The following KIF26A variants were observed in gnomAD, a reference collection of about 807,000 sequenced individuals.
The protein encoded by KIF26A is kinesin family member 26A.
A neutral mutation model predicts 126.0 loss-of-function variants in KIF26A; 74 were observed. That is an observed-to-expected ratio of 0.59 (90% confidence interval 0.49 to 0.71). The LOEUF is 0.71. Ranked by LOEUF, KIF26A falls within the 30% of genes least tolerant of loss-of-function variation. The pLI is 0.00. For missense variants in KIF26A, 2,984 were observed against 2,763.3 expected (o/e 1.08, Z -1.79); for synonymous variants, 1,445 against 1,232.7 (o/e 1.17, Z -3.61).
rs772958680 is a variant in KIF26A, at chr14:104,174,214, C to T, written c.2097C>T (p.Ile699=). ...LATAGCRTTM[I]AHVSDAPAQH... is the part of the protein sequence containing the mutation. ...CCGCTGGCTGCCGCACCACCATGAT[C>T]GCCCACGTGTCGGATGCGCCAGCCC... The change falls in exon 11 of 15, where the codon ATC becomes ATT. Residue 699 remains isoleucine, a synonymous_variant. Transcript: ENST00000423312. 31 of 1,584,868 alleles carry T rather than the reference C, an allele frequency of 2.0e-5. No homozygotes were observed. The Middle Eastern group carries it at 5.1e-4, about 26-fold the overall frequency.
rs1399920276 is a variant in KIF26A, at chr14:104,148,266, G to A, written c.289-3749G>A. On this transcript the variant is annotated intron_variant, in intron 2 of 14. Coordinates refer to ENST00000423312, the MANE Select transcript of KIF26A (RefSeq NM_015656.2). This position sits in a 1 kb window ranked among gnomAD's most constrained non-coding sequence, Gnocchi z 4.3. ...AGGGGGGAGACTCCCTAAAACCCAG[G>A]CGCGCAATGGGTGGGCTATGTTTGA... Among the ~76,000 whole-genome samples, 1 of 152,230 alleles carries A rather than the reference G, an allele frequency of 6.6e-6. No homozygotes were observed. The highest frequency in any genetic ancestry group is 2.4e-5 in the African/African-American group (1 of 41,462).
At chr14:104,167,797 C>T (rs1040300738) in intron 5 of KIF26A, among the ~76,000 whole-genome samples, 8 of 152,128 alleles carry the variant, frequency 5.3e-5, no homozygotes, top group African/African-American at 1.9e-4. Flanking sequence ...TTTTTCCTGC[C>T]CCTCGGCCTG....
Position 104,175,269 on chromosome 14 carries a change from C to G in KIF26A, c.2481C>G (p.Ser827=), listed in dbSNP as rs1566865075. 2 of 1,606,300 alleles carry G rather than the reference C, an allele frequency of 1.2e-6. No homozygotes were observed. Among genetic ancestry groups the G allele is most frequent in the Non-Finnish European group, 1.7e-6 (2 of 1,179,612 alleles). The change falls in exon 12 of 15, where the codon TCC becomes TCG. Residue 827 remains serine (S), a synonymous_variant. Coordinates refer to ENST00000423312, the MANE Select transcript of KIF26A (RefSeq NM_015656.2). ...CTGCCCTGAGCCGCCACCGGCCCTC[C>G]AAGGGTCCCCGAGACGCAGACCACT... The part of the protein sequence containing the change: ...IIPALSRHRP[S]KGPRDADHFR...
chr14:104,167,018 G>A lies in KIF26A; in HGVS notation c.1083G>A (p.Lys361=). The change falls in exon 5 of 15, where the codon AAG becomes AAA. Residue 361 remains lysine (K), a synonymous_variant. Coordinates refer to ENST00000423312, the MANE Select transcript of KIF26A (RefSeq NM_015656.2). ...APPCLLRAAS[K]TKDNPGSIGK... is the part of the protein sequence containing the mutation. ...CCTGCCTGCTCAGGGCCGCCTCCAA[G>A]ACCAAGGACAACCCTGGCAGCATCG... The A allele has an allele frequency of 6.3e-7, 1 of 1,579,360 alleles. No individual in the cohort carries two copies. The highest frequency in any genetic ancestry group is 1.8e-5 in the Admixed American group (1 of 55,314).
In KIF26A at chr14:104,148,180, T is replaced by G. The variant is rs1176998621; in HGVS notation, c.289-3835T>G. On this transcript the variant is annotated intron_variant, in intron 2 of 14. Transcript: ENST00000423312. This position sits in a 1 kb window ranked among gnomAD's most constrained non-coding sequence, Gnocchi z 4.3. Reference sequence around the variant, plus strand: ...CACACGCAGGAGAAAATGGAAGGATTACTTAAAGCAACTCGGAGACCCCAG... The same window carrying G: ...CACACGCAGGAGAAAATGGAAGGATGACTTAAAGCAACTCGGAGACCCCAG... Among the ~76,000 whole-genome samples, 1 of 152,160 alleles carries G rather than the reference T, an allele frequency of 6.6e-6. No individual in the cohort carries two copies. Among genetic ancestry groups the G allele is most frequent in the Non-Finnish European group, 1.5e-5 (1 of 68,032 alleles).
Position 104,174,186 on chromosome 14 carries a change from C to A in KIF26A, c.2069C>A (p.Ala690Asp), listed in dbSNP as rs1159804059. 1 of 1,588,898 alleles carries A rather than the reference C, an allele frequency of 6.3e-7. No individual in the cohort carries two copies. ...ACCATGCTGCTGCGTGAATCCCTGG[C>A]CACCGCTGGCTGCCGCACCACCATG... The part of the protein sequence containing the change: ...RLTMLLRESL[A>D]TAGCRTTMIA... The change falls in exon 11 of 15, where the codon GCC (alanine) becomes GAC (aspartate). Residue 690 changes from alanine to aspartate, a missense_variant. Ala to Asp is a moderately radical substitution (Grantham distance 126). Transcript: ENST00000423312.
At position 104,178,731 on chromosome 14, in the gene KIF26A, C is replaced by T. The variant is rs980805352; in HGVS notation, c.5292C>T (p.Pro1764=). The T allele has an allele frequency of 2.6e-6, 4 of 1,547,394 alleles. No individual in the cohort carries two copies. Among genetic ancestry groups the T allele is most frequent in the Admixed American group, 3.9e-5 (2 of 51,654 alleles). ...TGGAGCGCCTTCAGCGGCCCCGCCC[C>T]ACCCCGAGGGAGGCCCCCACCCAGG... ...DDVERLQRPR[P]TPREAPTQGL... Residue 1764 remains proline (P), a synonymous_variant, in exon 13 of 15, where the codon CCC becomes CCT. Transcript: ENST00000423312.
Position 104,173,735 on chromosome 14 carries a change from A to G in KIF26A, c.1897A>G (p.Ile633Val), listed in dbSNP as rs1278095767. Residue 633 changes from isoleucine (I) to valine (V), a missense_variant, in exon 10 of 15, where the codon ATC becomes GTC. Ile to Val is a conservative substitution (Grantham distance 29). Coordinates refer to ENST00000423312, the MANE Select transcript of KIF26A (RefSeq NM_015656.2). ...CGGAGGCCGCAGCCGCCTGCACCTC[A>G]TCGACCTGGGCAGCTGTGAGGCGGC... ...MSGGRSRLHL[I>V]DLGSCEAAAG... 1.2e-6 allele frequency: 2 copies of G among 1,611,292 alleles called. No homozygotes were observed. The highest frequency in any genetic ancestry group is 1.7e-6 in the Non-Finnish European group (2 of 1,179,552).
intron 4 of KIF26A, among the ~76,000 whole-genome samples, chr14:104,162,463 C>T (rs1375518344): frequency 2.0e-5 from 3 of 152,184 alleles, no homozygotes; most frequent in South Asian, 4.1e-4. Context: ...CTTGTGTGGC[C>T]GACGGGGCAA....
chr14:104,154,715 C>T (rs749800829), intron 3 of KIF26A, among the ~76,000 whole-genome samples: 11 of 152,246 alleles, frequency 7.2e-5, no homozygotes, highest in Non-Finnish European at 1.3e-4. Flanking sequence ...GCCCATTTCA[C>T]GCTATGAACT....
In KIF26A at chr14:104,177,136, A is replaced by G. The variant is rs200100976; in HGVS notation, c.4348A>G (p.Lys1450Glu). The change falls in exon 12 of 15, where the codon AAG (lysine) becomes GAG (glutamate). Residue 1450 changes from lysine to glutamate, a missense_variant. Coordinates refer to ENST00000423312, the MANE Select transcript of KIF26A (RefSeq NM_015656.2). ...RYEGLAHSSS[K>E]GREAPGRPPR... ...CGAAGGCCTGGCGCACAGCAGCAGC[A>G]AGGGCCGGGAAGCCCCTGGGCGGCC... 801 of 1,597,604 alleles carry G rather than the reference A, an allele frequency of 5.0e-4. 1 individual carries two copies. Among genetic ancestry groups the G allele is most frequent in the Non-Finnish European group, 5.8e-4 (687 of 1,179,366 alleles).
chr14:104,151,874 G>A lies in KIF26A; in HGVS notation c.289-141G>A. 1 of 682,122 alleles carries A rather than the reference G, an allele frequency of 1.5e-6. No homozygotes were observed. Among genetic ancestry groups the A allele is most frequent in the South Asian group, 1.7e-5 (1 of 60,042 alleles). 42.3% of individuals were successfully genotyped at this position (682,122 alleles called of 1,614,324 possible). On this transcript the variant is annotated intron_variant, in intron 2 of 14. Coordinates refer to ENST00000423312, the MANE Select transcript of KIF26A (RefSeq NM_015656.2). The surrounding 1 kb of genome is among the most constrained non-coding windows in gnomAD (Gnocchi z 4.9). ...TGGGCTTGTGTGGGTGAAAGTGTTT[G>A]GGCTTATTAATCTGTTACGGATGGT...
intron 4 of KIF26A, among the ~76,000 whole-genome samples, chr14:104,161,638 G>A (rs929508729): frequency 1.3e-5 from 2 of 152,148 alleles, no homozygotes; most frequent in East Asian, 1.9e-4. Flanking sequence ...GTTCATCCTC[G>A]CTCACGCGTG....
rs79006403 is a variant in KIF26A at position 104,177,647 on chromosome 14, G to A, written c.4859G>A (p.Arg1620Gln). ...PSPYSKVTAPRRPQRYSSGHG... is the reference protein window; with the variant it reads ...PSPYSKVTAPQRPQRYSSGHG... ...CCCTACAGCAAGGTGACCGCCCCAC[G>A]GCGGCCCCAGCGCTACAGCAGCGGC... Residue 1620 changes from arginine (R) to glutamine (Q), a missense_variant, in exon 12 of 15, where the codon CGG becomes CAG. Coordinates refer to ENST00000423312, the MANE Select transcript of KIF26A (RefSeq NM_015656.2). The A allele has an allele frequency of 3.9e-6, 6 of 1,526,416 alleles. No individual in the cohort carries two copies. Among genetic ancestry groups the A allele is most frequent in the Non-Finnish European group, 5.3e-6 (6 of 1,141,240 alleles). The allele number at this position is 1,526,416 out of a possible 1,614,324, so 94.6% of individuals were successfully genotyped here.
chr14:104,154,890 C>T (rs191622150), intron 3 of KIF26A, among the ~76,000 whole-genome samples: 21 of 152,250 alleles, frequency 1.4e-4, no homozygotes, highest in South Asian at 2.1e-4. Context: ...TGGGTGGCAC[C>T]GGCTTGGGGG....
chr14:104,169,573 C>T (rs1343222504), intron 5 of KIF26A, among the ~76,000 whole-genome samples: 9 of 152,328 alleles, frequency 5.9e-5, no homozygotes, highest in African/African-American at 2.2e-4. Flanking sequence ...GTGTTATTAG[C>T]ACTAATGTCA....
chr14:104,144,946 T>G (rs1347168977), intron 2 of KIF26A, among the ~76,000 whole-genome samples: 2 of 152,216 alleles, frequency 1.3e-5, no homozygotes, highest in Non-Finnish European at 2.9e-5. Context: ...TCAGCTGGGC[T>G]TTCCCTGGTT....
Position 104,177,747 on chromosome 14 carries a change from C to T in KIF26A, c.4959C>T (p.His1653=), listed in dbSNP as rs2038050306. Residue 1653 remains histidine (H), a synonymous_variant, in exon 12 of 15, where the codon CAC becomes CAT. Transcript: ENST00000423312. The part of the protein sequence containing the change: ...PAMGRTALFH[H]SGGSSGYESL... ...TGGGCCGCACCGCCCTTTTCCACCA[C>T]AGCGGTGGCAGCAGTGGCTATGAGA... The T allele has an allele frequency of 1.3e-6, 2 of 1,544,750 alleles. No individual in the cohort carries two copies. The highest frequency in any genetic ancestry group is 1.7e-6 in the Non-Finnish European group (2 of 1,152,238).
intron 4 of KIF26A, among the ~76,000 whole-genome samples, chr14:104,162,261 G>A (rs996943229): frequency 2.0e-4 from 30 of 152,204 alleles, no homozygotes; most frequent in African/African-American, 7.0e-4. Context: ...CTCAAGTTAG[G>A]TCAGATTGTG....
Sources: gnomAD v4.1 joint callset for allele counts (sites outside exome capture counted in the v4.1 genomes callset) on GRCh38, gnomAD v4.1.1 for gene constraint, Gnocchi (gnomAD v3.1) non-coding constraint, MANE v1.5 for transcripts, NCBI Gene and HGNC (gene_info 2026-07-23, HGNC 2026-07-21) for gene names.